The following AP3B1 variants were observed in gnomAD, a reference collection of about 807,000 sequenced individuals.
AP3B1 encodes AP-3 complex subunit beta-1.
In AP3B1, 61 loss-of-function variants were observed where a neutral mutation model predicts 132.5. The ratio of observed to expected loss-of-function variants is 0.46; its 90% CI spans 0.37 to 0.57. The LOEUF is 0.57. Ranked by LOEUF, AP3B1 falls within the 20% of genes least tolerant of loss-of-function variation. The pLI, the probability that AP3B1 is intolerant of heterozygous loss-of-function variation, is 0.00. For missense variants in AP3B1, 1,120 were observed against 1,289.4 expected (o/e 0.87, Z 2.01); for synonymous variants, 388 against 438.3 (o/e 0.89, Z 1.43).
rs182984696 is a variant in AP3B1 at position 78,019,985 on chromosome 5, G to A, written c.2992+707C>T. ...ATGCCTTAATTTTATAAATGTTATCGTTAATTAAACACATAAAATCAGACA... is the reference window on the plus strand; with the variant it reads ...ATGCCTTAATTTTATAAATGTTATCATTAATTAAACACATAAAATCAGACA... On this transcript the variant is annotated intron_variant, in intron 25 of 26. Transcript: ENST00000255194. Among the ~76,000 whole-genome samples, 233 of 152,038 alleles carry A rather than the reference G, an allele frequency of 1.5e-3. 1 individual carries two copies. The highest frequency in any genetic ancestry group is 5.1e-3 in the African/African-American group (211 of 41,486).
chr5:78,291,128 A>G (rs193026860), intron 1 of AP3B1, among the ~76,000 whole-genome samples: 1 of 152,268 alleles, frequency 6.6e-6, no homozygotes, highest in East Asian at 1.9e-4. Flanking sequence ...GATAAATAAT[A>G]TTGATAAATA....
chr5:78,150,753 A>G (rs776442134), intron 14 of AP3B1, among the ~76,000 whole-genome samples: 7 of 152,148 alleles, frequency 4.6e-5, no homozygotes, highest in South Asian at 2.1e-4. Flanking sequence ...GTTGGAACTA[A>G]TATTTATTGC....
At chr5:78,093,428 G>C (rs983958525) in intron 21 of AP3B1, among the ~76,000 whole-genome samples, 1 of 152,186 alleles carries the variant, frequency 6.6e-6, no homozygotes, top group Non-Finnish European at 1.5e-5. Context: ...ATTTGGAAGG[G>C]GGGATTTGCA....
chr5:78,278,718 G>C (rs1370360718), intron 1 of AP3B1, among the ~76,000 whole-genome samples: 1 of 150,946 alleles, frequency 6.6e-6, no homozygotes, highest in Non-Finnish European at 1.5e-5. Flanking sequence ...TTACCCATCT[G>C]TGGCTTGTTA....
intron 17 of AP3B1, among the ~76,000 whole-genome samples, chr5:78,120,265 T>C (rs1317344111): frequency 6.6e-5 from 10 of 152,208 alleles, no homozygotes; most frequent in Admixed American, 5.2e-4. Flanking sequence ...CCATCAAGGC[T>C]AGGAAGAAAC....
chr5:78,134,149 C>CAAAAAAAAAAA lies in AP3B1; in HGVS notation c.1651-4853_1651-4843dup, dbSNP rs397961933. Among the ~76,000 whole-genome samples, 35 of 74,184 alleles carry CAAAAAAAAAAA rather than the reference C, an allele frequency of 4.7e-4. 1 individual carries two copies. Among genetic ancestry groups the CAAAAAAAAAAA allele is most frequent in the African/African-American group, 1.8e-3 (32 of 18,274 alleles). The allele number at this position is 74,184 out of a possible 152,430, so 48.7% of individuals were successfully genotyped here. On this transcript the variant is annotated intron_variant, in intron 15 of 26. Coordinates refer to ENST00000255194, the MANE Select transcript of AP3B1 (RefSeq NM_003664.5). Reference sequence around the variant, plus strand: ...CCGGGCGACACAGCAAGACTCGCCTCAAAAAAAAAAAAAAAAAGAAATACA... The same window carrying CAAAAAAAAAAA: ...CCGGGCGACACAGCAAGACTCGCCTCAAAAAAAAAAAAAAAAAAAAAAAAAAAAGAAATACA...
At chr5:78,224,290 AT>A (rs1380576636) in intron 6 of AP3B1, among the ~76,000 whole-genome samples, 2 of 152,114 alleles carry the variant, frequency 1.3e-5, no homozygotes, top group African/African-American at 4.8e-5. Context: ...ACTAACAGAA[AT>A]TTACTAAATG....
intron 6 of AP3B1, among the ~76,000 whole-genome samples, chr5:78,217,135 T>C (rs1745996230): frequency 6.6e-6 from 1 of 152,146 alleles, no homozygotes; most frequent in African/African-American, 2.4e-5. Context: ...TGTCTAAAAT[T>C]TCCCCAATGA....
At chr5:78,036,276 A>C (rs1225082687) in intron 23 of AP3B1, among the ~76,000 whole-genome samples, 1 of 152,166 alleles carries the variant, frequency 6.6e-6, no homozygotes, top group Non-Finnish European at 1.5e-5. Context: ...AAACTCATTC[A>C]AATAATGGAT....
intron 21 of AP3B1, among the ~76,000 whole-genome samples, chr5:78,094,351 AATG>A (rs1484741367): frequency 6.6e-6 from 1 of 152,252 alleles, no homozygotes; most frequent in Non-Finnish European, 1.5e-5. Context: ...CATATAACTT[AATG>A]ATCTAAAGAA....
At chr5:78,035,166 T>G (rs896749908) in intron 23 of AP3B1, among the ~76,000 whole-genome samples, 1 of 151,910 alleles carries the variant, frequency 6.6e-6, no homozygotes, top group Admixed American at 6.6e-5. Flanking sequence ...TTTTTTCAGT[T>G]AACAATGACA....
intron 21 of AP3B1, among the ~76,000 whole-genome samples, chr5:78,096,764 C>A (rs867113681): frequency 6.6e-6 from 1 of 150,914 alleles, no homozygotes; most frequent in East Asian, 2.0e-4. Flanking sequence ...GTGAGGAGCC[C>A]CTCCGCCCGG....
At chr5:78,062,705 T>C (rs1382180835) in intron 22 of AP3B1, among the ~76,000 whole-genome samples, 5 of 152,200 alleles carry the variant, frequency 3.3e-5, no homozygotes, top group Admixed American at 2.0e-4. Flanking sequence ...CATAGCACCA[T>C]TTCCTCTGGG....
At chr5:78,149,960 G>A (rs1753576165) in intron 14 of AP3B1, among the ~76,000 whole-genome samples, 1 of 150,692 alleles carries the variant, frequency 6.6e-6, no homozygotes, top group East Asian at 1.9e-4. Context: ...AGATAAATGT[G>A]TAACTGCCTT....
chr5:78,008,034 TA>T (rs1746470560), intron 26 of AP3B1, among the ~76,000 whole-genome samples: 1 of 152,114 alleles, frequency 6.6e-6, no homozygotes, highest in Admixed American at 6.5e-5. Context: ...AGAGATGGTA[TA>T]AAAAAATTAT....
At chr5:78,019,724 A>G (rs1747010243) in intron 25 of AP3B1, among the ~76,000 whole-genome samples, 1 of 152,122 alleles carries the variant, frequency 6.6e-6, no homozygotes, top group Non-Finnish European at 1.5e-5. Context: ...TCTTTTTGAC[A>G]TTGTGAATTG....
At chr5:78,244,552 G>A (rs1478623724) in intron 2 of AP3B1, among the ~76,000 whole-genome samples, 2 of 152,186 alleles carry the variant, frequency 1.3e-5, no homozygotes, top group Non-Finnish European at 2.9e-5. Context: ...CAGATATGCT[G>A]AGAAGCCAGC....
intron 15 of AP3B1, among the ~76,000 whole-genome samples, chr5:78,139,900 G>A (rs1163191924): frequency 6.6e-6 from 1 of 152,054 alleles, no homozygotes; most frequent in Non-Finnish European, 1.5e-5. Context: ...AGATATCTAG[G>A]CAGAAAGAGT....
chr5:78,211,812 A>C (rs1332520432), intron 7 of AP3B1, among the ~76,000 whole-genome samples: 1 of 152,222 alleles, frequency 6.6e-6, no homozygotes, highest in Non-Finnish European at 1.5e-5. Flanking sequence ...GGGTAACAAA[A>C]TATAAAGGCA....
Sources: gnomAD v4.1 joint callset for allele counts (sites outside exome capture counted in the v4.1 genomes callset) on GRCh38, gnomAD v4.1.1 for gene constraint, MANE v1.5 for transcripts, NCBI Gene and HGNC (gene_info 2026-07-23, HGNC 2026-07-21) for gene names.